Variants in GRM7 observed in about 807,000 individuals in gnomAD.
The protein encoded by GRM7 is glutamate metabotropic receptor 7.
Under a neutral mutation model 84.5 loss-of-function variants are expected in GRM7, and 35 were observed. The ratio of observed to expected loss-of-function variants is 0.41; its 90% confidence interval spans 0.32 to 0.55. The LOEUF is 0.55. GRM7 is among the 20% of genes least tolerant of loss of function. GRM7 has a pLI of 0.19. For missense variants in GRM7, 1,003 were observed against 1,194.6 expected (o/e 0.84, Z 2.36); for synonymous variants, 487 against 455.1 (o/e 1.07, Z -0.89).
At chr3:7,045,915 C>T (rs953452214) in intron 1 of GRM7, among the ~76,000 whole-genome samples, 9 of 152,154 alleles carry the variant, frequency 5.9e-5, no homozygotes, top group Admixed American at 2.0e-4. Context: ...TTTGCTGGAT[C>T]ACATGATAGT....
At chr3:7,023,096 A>T (rs947393348) in intron 1 of GRM7, among the ~76,000 whole-genome samples, 2 of 152,080 alleles carry the variant, frequency 1.3e-5, no homozygotes, top group Non-Finnish European at 2.9e-5. Flanking sequence ...TCGCACAGGA[A>T]CAAAAGTTGT....
intron 1 of GRM7, among the ~76,000 whole-genome samples, chr3:7,073,916 G>C (rs1398528349): frequency 1.3e-5 from 2 of 152,050 alleles, no homozygotes; most frequent in African/African-American, 4.8e-5. Flanking sequence ...TTCCCTTATT[G>C]CTGGATTTTT....
intron 9 of GRM7, among the ~76,000 whole-genome samples, chr3:7,694,758 T>C (rs1700953915): frequency 6.6e-6 from 1 of 152,218 alleles, no homozygotes; most frequent in Non-Finnish European, 1.5e-5. Flanking sequence ...AGTACTCAGA[T>C]ATTTAAGGAA....
At chr3:7,603,924 T>A (rs959752635) in intron 8 of GRM7, among the ~76,000 whole-genome samples, 1 of 152,174 alleles carries the variant, frequency 6.6e-6, no homozygotes, top group Non-Finnish European at 1.5e-5. Context: ...CTGAAATGGA[T>A]GTGTAAATAG....
rs1006296887 is a variant in GRM7, at chr3:6,862,561, G to C, written c.519+654G>C. Among the ~76,000 whole-genome samples the C allele has an allele frequency of 2.0e-5, 3 of 152,148 alleles. No individual in the cohort carries two copies. The highest frequency in any genetic ancestry group is 7.2e-5 in the African/African-American group (3 of 41,450). On this transcript the variant is annotated intron_variant, in intron 1 of 9. Transcript: ENST00000357716. This position sits in a 1 kb window ranked among gnomAD's most constrained non-coding sequence, Gnocchi z 5.2. ...GATGCTGCCCGCAGACGTGACCCCC[G>C]GTTGGTTTGCTCCGGGCAATATTTT...
At chr3:7,446,115 G>A (rs1697495648) in intron 5 of GRM7, among the ~76,000 whole-genome samples, 1 of 152,162 alleles carries the variant, frequency 6.6e-6, no homozygotes, top group Admixed American at 6.6e-5. Flanking sequence ...CAGGACTTCA[G>A]CCTCAAGAAA....
intron 1 of GRM7, among the ~76,000 whole-genome samples, chr3:6,918,821 C>T (rs1039023471): frequency 1.3e-5 from 2 of 152,088 alleles, no homozygotes; most frequent in African/African-American, 2.4e-5. Context: ...AGCCATGGTG[C>T]GTTGTGATTT....
At chr3:7,628,820 T>C (rs1697738039) in intron 8 of GRM7, among the ~76,000 whole-genome samples, 1 of 152,166 alleles carries the variant, frequency 6.6e-6, no homozygotes, top group South Asian at 2.1e-4. Context: ...TATTTGAACA[T>C]AAGACTGCTC....
chr3:6,870,237 C>G (rs1243404426), intron 1 of GRM7, among the ~76,000 whole-genome samples: 3 of 152,124 alleles, frequency 2.0e-5, no homozygotes, highest in East Asian at 1.9e-4. Context: ...TAAGTGTGGT[C>G]TCTACTTTTA....
intron 4 of GRM7, among the ~76,000 whole-genome samples, chr3:7,392,901 C>T (rs1695056529): frequency 6.6e-6 from 1 of 152,160 alleles, no homozygotes; most frequent in Admixed American, 6.5e-5. Flanking sequence ...TTATCCTAGA[C>T]ATATACGGGG....
intron 2 of GRM7, among the ~76,000 whole-genome samples, chr3:7,275,630 G>A (rs554292458): frequency 9.2e-5 from 14 of 152,192 alleles, no homozygotes; most frequent in African/African-American, 2.6e-4. Flanking sequence ...TCCCCAACTA[G>A]GTGAGGTAGG....
At chr3:7,022,539 A>G (rs1252722462) in intron 1 of GRM7, among the ~76,000 whole-genome samples, 1 of 151,636 alleles carries the variant, frequency 6.6e-6, no homozygotes, top group Non-Finnish European at 1.5e-5. Context: ...CCAAAAAAAT[A>G]TTTTCTTTTA....
intron 1 of GRM7, among the ~76,000 whole-genome samples, chr3:6,908,395 A>G (rs2125013785): frequency 6.6e-6 from 1 of 152,312 alleles, no homozygotes. Flanking sequence ...TTAAGCTTGC[A>G]GCAATGATCT....
chr3:7,212,949 A>T (rs1367423128), intron 2 of GRM7, among the ~76,000 whole-genome samples: 1 of 152,108 alleles, frequency 6.6e-6, no homozygotes, highest in Non-Finnish European at 1.5e-5. Flanking sequence ...TGTTAATAGC[A>T]TTATTGTAGC....
chr3:7,342,461 G>T (rs1692687244), intron 4 of GRM7, among the ~76,000 whole-genome samples: 1 of 152,050 alleles, frequency 6.6e-6, no homozygotes, highest in African/African-American at 2.4e-5. Flanking sequence ...TCTAGATTTG[G>T]CTTCAGAGTT....
intron 5 of GRM7, among the ~76,000 whole-genome samples, chr3:7,423,777 A>G (rs556051901): frequency 1.3e-5 from 2 of 152,268 alleles, no homozygotes; most frequent in South Asian, 4.1e-4. Flanking sequence ...ATATATCTCC[A>G]GATAAAAACT....
At chr3:6,875,779 GA>G (rs1695280090) in intron 1 of GRM7, among the ~76,000 whole-genome samples, 1 of 152,144 alleles carries the variant, frequency 6.6e-6, no homozygotes, top group Non-Finnish European at 1.5e-5. Context: ...GTGCATCTTA[GA>G]ACCATAAATT....
At chr3:7,021,726 A>T (rs1463886252) in intron 1 of GRM7, among the ~76,000 whole-genome samples, 1 of 152,220 alleles carries the variant, frequency 6.6e-6, no homozygotes, top group Non-Finnish European at 1.5e-5. Context: ...ATGAATTATT[A>T]ATGATCTTGT....
intron 1 of GRM7, among the ~76,000 whole-genome samples, chr3:7,000,894 G>T (rs926805829): frequency 6.6e-6 from 1 of 152,262 alleles, no homozygotes. Flanking sequence ...ACAGAGATGT[G>T]AATGAACTCT....
Sources: gnomAD v4.1 joint callset for allele counts (sites outside exome capture counted in the v4.1 genomes callset) on GRCh38, gnomAD v4.1.1 for gene constraint, Gnocchi (gnomAD v3.1) non-coding constraint, MANE v1.5 for transcripts, NCBI Gene and HGNC (gene_info 2026-07-23, HGNC 2026-07-21) for gene names.